NDRG1: variants seen among roughly 807,000 people sequenced by gnomAD.
The protein encoded by NDRG1 is protein NDRG1.
A neutral mutation model predicts 56.9 loss-of-function variants in NDRG1; 32 were observed. The observed-to-expected ratio is 0.56, with a 90% CI of 0.42 to 0.76. The LOEUF (loss-of-function observed/expected upper bound fraction) is 0.76, where lower values mean the gene tolerates loss of function less well. Ranked by LOEUF, NDRG1 falls within the 30% of genes least tolerant of loss-of-function variation. NDRG1 has a pLI of 0.00. For missense variants in NDRG1, 507 were observed against 545.7 expected (o/e 0.93, Z 0.71); for synonymous variants, 211 against 204.1 (o/e 1.03, Z -0.29).
chr8:133,284,500 G>A (rs1008131086), intron 1 of NDRG1, among the ~76,000 whole-genome samples, 171 bp from the exon 2 acceptor site: 2 of 152,178 alleles, frequency 1.3e-5, no homozygotes, highest in Non-Finnish European at 2.9e-5. Flanking sequence ...CACAGCCCAT[G>A]GACCCAACCC....
At chr8:133,268,352 A>G (rs187400844) in intron 3 of NDRG1, among the ~76,000 whole-genome samples, 26 of 152,242 alleles carry the variant, frequency 1.7e-4, no homozygotes, top group Non-Finnish European at 3.8e-4. Context: ...ACAGAGCACT[A>G]ACACTTCACC....
rs371291226 is a variant in NDRG1 at position 133,289,069 on chromosome 8, T to TA, written c.-18-4741dup. 3.2e-3 allele frequency among the ~76,000 whole-genome samples: 490 copies of TA among 152,302 alleles called. 4 individuals are homozygous for TA. Among genetic ancestry groups the TA allele is most frequent in the African/African-American group, 0.011 (455 of 41,556 alleles). ...CTGCATAATTTATCGAATCTCTTTTTAAAAATGTATTATTCATCTTGTTTT... is the reference window on the plus strand; with the variant it reads ...CTGCATAATTTATCGAATCTCTTTTTAAAAAATGTATTATTCATCTTGTTTT... On this transcript the variant is annotated intron_variant, in intron 1 of 15. Transcript: ENST00000323851.
intron 1 of NDRG1, chr8:133,296,374 C>T: frequency 2.3e-6 from 1 of 425,576 alleles, no homozygotes; most frequent in Non-Finnish European, 4.8e-6. Flanking sequence ...TCCCACGCCG[C>T]CGATGCGCCA....
chr8:133,275,127 G>C (rs1857389529), intron 3 of NDRG1, among the ~76,000 whole-genome samples: 1 of 152,168 alleles, frequency 6.6e-6, no homozygotes, highest in African/African-American at 2.4e-5. Context: ...AGGCCCCAGA[G>C]AGCTTCCGTC....
At chr8:133,260,803 G>T (rs1282302699) in intron 5 of NDRG1, among the ~76,000 whole-genome samples, 3 of 152,090 alleles carry the variant, frequency 2.0e-5, no homozygotes, top group Non-Finnish European at 4.4e-5. Flanking sequence ...TGCCAAGAAG[G>T]CCCCTTCTGG....
At position 133,238,858 on chromosome 8, in the gene NDRG1, G is replaced by C. The variant is rs1855208802; in HGVS notation, c.*20C>G. 7 of 1,546,582 alleles carry C rather than the reference G, an allele frequency of 4.5e-6. No individual in the cohort carries two copies. Among genetic ancestry groups the C allele is most frequent in the Non-Finnish European group, 6.1e-6 (7 of 1,148,150 alleles). On this transcript the variant is annotated 3_prime_UTR_variant, in exon 16 of 16. Transcript: ENST00000323851. ...CCACTACAGAGATCAGAGTCCGGGGGCGGCAGCTGGGCAGGCCGCCTAGCA... is the reference window on the plus strand; with the variant it reads ...CCACTACAGAGATCAGAGTCCGGGGCCGGCAGCTGGGCAGGCCGCCTAGCA...
In NDRG1 at chr8:133,297,228, A is replaced by G. The variant is rs893058948; in HGVS notation, c.-113T>C. On this transcript the variant is annotated 5_prime_UTR_variant, in exon 1 of 16. Transcript: ENST00000323851. The stretch of plus-strand genomic sequence containing the variant: ...GGATGGTGAACTGACGAGCTTCAGC[A>G]CCAGCTGGGAGCCAGGCGAGGTTTG... The G allele has an allele frequency of 2.0e-5, 3 of 152,068 alleles. No homozygotes were observed. The highest frequency in any genetic ancestry group is 4.4e-5 in the Non-Finnish European group (3 of 68,050). 9.4% of individuals were successfully genotyped at this position (152,068 alleles called of 1,614,324 possible).
Position 133,240,931 on chromosome 8 carries a change from C to T in NDRG1, c.943+1092G>A, listed in dbSNP as rs868523930. On this transcript the variant is annotated intron_variant, in intron 15 of 15. Transcript: ENST00000323851. ...CGTCGGGGAAAGCAGGCTAGAAAGGCAGGAGCCCCACTAGCAGATAGCTTC... is the reference window on the plus strand; with the variant it reads ...CGTCGGGGAAAGCAGGCTAGAAAGGTAGGAGCCCCACTAGCAGATAGCTTC... 6 of 152,308 alleles carry T rather than the reference C, an allele frequency of 3.9e-5. No individual in the cohort carries two copies. In the South Asian group the frequency reaches 1.2e-3, roughly 32 times the overall value. 9.4% of individuals were successfully genotyped at this position (152,308 alleles called of 1,614,324 possible).
intron 5 of NDRG1, 71 bp downstream of exon 5, chr8:133,261,976 C>G: frequency 1.3e-6 from 2 of 1,515,782 alleles, no homozygotes; most frequent in Non-Finnish European, 1.8e-6. Flanking sequence ...TTTAAAAGAG[C>G]AAAGCACCTG....
chr8:133,269,474 C>T (rs1857083215), intron 3 of NDRG1, among the ~76,000 whole-genome samples: 1 of 152,228 alleles, frequency 6.6e-6, no homozygotes, highest in African/African-American at 2.4e-5. Flanking sequence ...CTGCATCTTA[C>T]CCCATGCCTG....
At chr8:133,249,892 C>T (rs984495715) in intron 10 of NDRG1, among the ~76,000 whole-genome samples, 12 of 152,212 alleles carry the variant, frequency 7.9e-5, no homozygotes, top group Non-Finnish European at 1.6e-4. Flanking sequence ...TGAGCGAGCT[C>T]CCTGGAAGAT....
chr8:133,271,778 T>TAAA (rs66733314), intron 3 of NDRG1, among the ~76,000 whole-genome samples: 4 of 30,484 alleles, frequency 1.3e-4, no homozygotes, highest in African/African-American at 4.0e-4. Flanking sequence ...AGACCCTGTC[T>TAAA]AAAAAAAAAA....
intron 3 of NDRG1, among the ~76,000 whole-genome samples, chr8:133,268,564 G>T (rs1443732578): frequency 6.6e-6 from 1 of 152,236 alleles, no homozygotes; most frequent in Non-Finnish European, 1.5e-5. Context: ...AGAGGTGAGG[G>T]AGAACATTTG....
intron 1 of NDRG1, among the ~76,000 whole-genome samples, chr8:133,294,558 C>T (rs1466266048): frequency 2.0e-5 from 3 of 152,118 alleles, no homozygotes; most frequent in Admixed American, 6.5e-5. Context: ...TTGGGCCACC[C>T]GAAAAACACA....
intron 3 of NDRG1, among the ~76,000 whole-genome samples, chr8:133,271,757 G>C (rs952875353): frequency 7.5e-6 from 1 of 132,692 alleles, no homozygotes; most frequent in African/African-American, 2.9e-5. Flanking sequence ...TCCAGCATGG[G>C]CAACAAAGGG....
chr8:133,272,483 G>A (rs556898850), intron 3 of NDRG1, among the ~76,000 whole-genome samples: 20 of 152,334 alleles, frequency 1.3e-4, no homozygotes, highest in African/African-American at 4.1e-4. Context: ...CCAAGGACAC[G>A]CGAGTAGCAA....
chr8:133,297,018 C>A (rs999242313), intron 1 of NDRG1, 116 bp downstream of exon 1: 1 of 160,660 alleles, frequency 6.2e-6, no homozygotes, highest in African/African-American at 2.4e-5. Flanking sequence ...AGCTCCGGGG[C>A]GCTTACTCCT....
In NDRG1 at chr8:133,246,631, C is replaced by A. The variant is rs1189501705; in HGVS notation, c.840G>T (p.Lys280Asn). The A allele has an allele frequency of 1.2e-6, 2 of 1,614,058 alleles. No individual in the cohort carries two copies. The highest frequency in any genetic ancestry group is 4.5e-5 in the East Asian group (2 of 44,898). The change falls in exon 13 of 16, where the codon AAG (lysine) becomes AAT (asparagine). Residue 280 changes from lysine (K) to asparagine (N), a missense_variant. Transcript: ENST00000323851. The stretch of plus-strand genomic sequence containing the variant: ...TTCCCTGTACCTTGAGGAGAGTGGT[C>A]TTTGTTGGGTCCAATTTTGAGTTGC... ...VECNSKLDPTKTTLLKMADCG... is the reference protein window; with the variant it reads ...VECNSKLDPTNTTLLKMADCG...
At chr8:133,254,737 A>G in intron 8 of NDRG1, 142 bp from the exon 9 acceptor site, 1 of 795,658 alleles carries the variant, frequency 1.3e-6, no homozygotes, top group Non-Finnish European at 2.2e-6. Context: ...CCCCCTTGAT[A>G]GAAACTCAGT....
Sources: gnomAD v4.1 joint callset for allele counts (sites outside exome capture counted in the v4.1 genomes callset) on GRCh38, gnomAD v4.1.1 for gene constraint, MANE v1.5 for transcripts, NCBI Gene and HGNC (gene_info 2026-07-23, HGNC 2026-07-21) for gene names.